The following SPAG16 variants were observed in gnomAD, a reference collection of about 807,000 sequenced individuals.
SPAG16 encodes sperm-associated antigen 16 protein.
A neutral mutation model predicts 80.4 loss-of-function variants in SPAG16; 86 were observed. The observed-to-expected ratio is 1.07, with a 90% CI of 0.90 to 1.28. The LOEUF is 1.28. Ranked by LOEUF, SPAG16 falls within the 50% of genes most tolerant of loss-of-function variation. The pLI, the probability that SPAG16 is intolerant of heterozygous loss-of-function variation, is 0.00. For synonymous variants in SPAG16, 294 were observed against 265.9 expected, an observed-to-expected ratio of 1.11 and a Z score of -1.03; for missense variants, 870 against 765.3, an observed-to-expected ratio of 1.14 and a Z score of -1.61.
intron 12 of SPAG16, among the ~76,000 whole-genome samples, chr2:213,949,169 GTTT>G (rs767648099): frequency 4.2e-3 from 238 of 56,742 alleles, no homozygotes; most frequent in Admixed American, 0.023. Context: ...AATTACAACA[GTTT>G]TTTTTTTTTT....
intron 9 of SPAG16, among the ~76,000 whole-genome samples, chr2:213,470,065 T>TCCTGGA (rs1377212769): frequency 6.6e-6 from 1 of 152,114 alleles, no homozygotes; most frequent in African/African-American, 2.4e-5. Flanking sequence ...ACCCCTTGAT[T>TCCTGGA]CCTGGACCTG....
At chr2:213,500,386 T>C (rs1216653688) in intron 10 of SPAG16, among the ~76,000 whole-genome samples, 1 of 152,152 alleles carries the variant, frequency 6.6e-6, no homozygotes, top group African/African-American at 2.4e-5. Context: ...AGGAAGATAA[T>C]TGATTTGGTC....
At chr2:213,863,711 T>C (rs980583811) in intron 11 of SPAG16, among the ~76,000 whole-genome samples, 15 of 152,054 alleles carry the variant, frequency 9.9e-5, no homozygotes, top group Non-Finnish European at 1.9e-4. Context: ...GCCAATCGCT[T>C]ATGTAGCTAC....
At chr2:213,499,242 A>C (rs533832125) in intron 10 of SPAG16, among the ~76,000 whole-genome samples, 47 of 152,062 alleles carry the variant, frequency 3.1e-4, no homozygotes, top group Non-Finnish European at 5.0e-4. Flanking sequence ...AAGCAACCTA[A>C]AGTATGTTTC....
intron 10 of SPAG16, among the ~76,000 whole-genome samples, chr2:213,641,129 T>C (rs532146599): frequency 6.6e-6 from 1 of 152,030 alleles, no homozygotes; most frequent in African/African-American, 2.4e-5. Flanking sequence ...CTGTGGGGAA[T>C]GTGGGGGTTG....
chr2:213,493,112 T>C (rs1234911158), intron 10 of SPAG16, among the ~76,000 whole-genome samples: 1 of 152,104 alleles, frequency 6.6e-6, no homozygotes, highest in Non-Finnish European at 1.5e-5. Context: ...ATGAAAAAAA[T>C]CTCTGCTTTT....
At chr2:213,409,834 G>A (rs1020210397) in intron 9 of SPAG16, among the ~76,000 whole-genome samples, 7 of 152,082 alleles carry the variant, frequency 4.6e-5, no homozygotes, top group African/African-American at 1.7e-4. Context: ...GGACTATAAA[G>A]TCCTCTGCAG....
At chr2:214,274,799 T>C (rs1692322873) in intron 15 of SPAG16, among the ~76,000 whole-genome samples, 1 of 152,234 alleles carries the variant, frequency 6.6e-6, no homozygotes. Context: ...ATCAGAATGA[T>C]GCTGGCCTTG....
chr2:213,333,928 C>T (rs1023176867), intron 5 of SPAG16, among the ~76,000 whole-genome samples: 9 of 152,102 alleles, frequency 5.9e-5, no homozygotes, highest in African/African-American at 1.7e-4. Context: ...TTGAGTAATA[C>T]CCTACAAGCA....
intron 10 of SPAG16, among the ~76,000 whole-genome samples, chr2:213,526,031 C>G (rs2075874570): frequency 6.6e-6 from 1 of 152,134 alleles, no homozygotes; most frequent in Non-Finnish European, 1.5e-5. Flanking sequence ...TTACTTATCT[C>G]CACATTTCTA....
At chr2:213,328,706 C>T (rs1006763410) in intron 5 of SPAG16, among the ~76,000 whole-genome samples, 2 of 152,104 alleles carry the variant, frequency 1.3e-5, no homozygotes, top group Non-Finnish European at 2.9e-5. Context: ...CCAAACTCTG[C>T]CTTCTATCTG....
intron 14 of SPAG16, among the ~76,000 whole-genome samples, chr2:214,144,967 TATA>T (rs1395315775): frequency 6.6e-6 from 1 of 152,094 alleles, no homozygotes; most frequent in Non-Finnish European, 1.5e-5. Flanking sequence ...TATGTTACTA[TATA>T]ATATTTCTTA....
At chr2:213,346,935 G>C (rs1467257141) in intron 6 of SPAG16, among the ~76,000 whole-genome samples, 1 of 151,926 alleles carries the variant, frequency 6.6e-6, no homozygotes, top group South Asian at 2.1e-4. Flanking sequence ...TTTTTCTATT[G>C]ATTGGAATAG....
chr2:213,523,134 G>C (rs1428076952), intron 10 of SPAG16, among the ~76,000 whole-genome samples: 1 of 152,152 alleles, frequency 6.6e-6, no homozygotes, highest in African/African-American at 2.4e-5. Context: ...GACCCAGTGG[G>C]AGGTAATTGA....
intron 15 of SPAG16, among the ~76,000 whole-genome samples, chr2:214,214,317 G>T (rs1359582451): frequency 6.6e-6 from 1 of 151,714 alleles, no homozygotes; most frequent in Non-Finnish European, 1.5e-5. Flanking sequence ...TTACAGGCAT[G>T]TACCACCATG....
chr2:214,364,553 G>A (rs1002132937), intron 15 of SPAG16, among the ~76,000 whole-genome samples: 4 of 152,078 alleles, frequency 2.6e-5, no homozygotes, highest in Non-Finnish European at 5.9e-5. Context: ...TATCCTCACC[G>A]TCTTTGCAAT....
At chr2:214,000,269 G>T (rs1010266759) in intron 12 of SPAG16, among the ~76,000 whole-genome samples, 1 of 152,110 alleles carries the variant, frequency 6.6e-6, no homozygotes, top group Non-Finnish European at 1.5e-5. Context: ...TGTTCTCAGG[G>T]TACTGAATAA....
At chr2:214,356,160 G>A (rs4673820) in intron 15 of SPAG16, among the ~76,000 whole-genome samples, 24,972 of 150,978 alleles carry the variant, frequency 0.17, 2,575 homozygotes, top group East Asian at 0.34. Flanking sequence ...TGCACATTGT[G>A]CACATGTAAC....
intron 11 of SPAG16, among the ~76,000 whole-genome samples, chr2:213,867,923 C>CA (rs1293542535): frequency 6.5e-4 from 36 of 55,308 alleles, no homozygotes; most frequent in South Asian, 3.2e-3. Flanking sequence ...GACTCTGTCT[C>CA]AACAAAAAAA....
Sources: allele counts gnomAD v4.1 joint callset (sites outside exome capture counted in the v4.1 genomes callset), GRCh38; gene constraint gnomAD v4.1.1; transcripts MANE v1.5; gene names NCBI Gene and HGNC (gene_info 2026-07-23, HGNC 2026-07-21).